The following HDAC8 variants were observed in gnomAD, a reference collection of about 807,000 sequenced individuals.
The protein encoded by HDAC8 is histone deacetylase 8.
HDAC8 carries 1 observed loss-of-function variant against 32.2 expected under a neutral mutation model. That is an observed-to-expected ratio of 0.03 (90% CI 0.01 to 0.15). The LOEUF is 0.15. Among genes scored for constraint, HDAC8 ranks in the 10% least tolerant of loss-of-function variants. HDAC8 has a pLI of 1.00. For missense variants in HDAC8, 117 were observed against 300.0 expected, an observed-to-expected ratio of 0.39 and a Z score of 4.51; for synonymous variants, 108 against 113.9, an observed-to-expected ratio of 0.95 and a Z score of 0.33.
At chrX:72,509,848 T>C (rs2049521330) in intron 4 of HDAC8, among the ~76,000 whole-genome samples, 1 of 111,526 alleles carries the variant, frequency 9.0e-6, no homozygotes, top group South Asian at 3.8e-4. Context: ...TTAGTCAATT[T>C]TCACAGTTTT....
chrX:72,528,194 T>A (rs1330661346), intron 4 of HDAC8, among the ~76,000 whole-genome samples: 1 of 111,501 alleles, frequency 9.0e-6, no homozygotes, highest in Non-Finnish European at 1.9e-5. Flanking sequence ...TTTGCTAGAC[T>A]AGGAGCTCCT....
rs1200952999 is a variant in HDAC8 at position 72,468,004 on chromosome X, A to C, written c.738-3273T>G. 5.0e-6 allele frequency: 6 copies of C among 1,189,754 alleles called. No individual in the cohort carries two copies. In the African/African-American group the frequency reaches 8.8e-5, roughly 18 times the overall value. ...ATGAGTCCTCAAGGAGTTCTGATAAAGAGGGCTCTGGATGGGTATTGAAAA... is the reference window on the plus strand; with the variant it reads ...ATGAGTCCTCAAGGAGTTCTGATAACGAGGGCTCTGGATGGGTATTGAAAA... On this transcript the variant is annotated intron_variant, in intron 7 of 10. Coordinates refer to ENST00000373573, the MANE Select transcript of HDAC8 (RefSeq NM_018486.3).
At chrX:72,379,490 GTTTTTTTTTTTT>G (rs1191306787) in intron 9 of HDAC8, among the ~76,000 whole-genome samples, 4 of 38,895 alleles carry the variant, frequency 1.0e-4, no homozygotes, top group East Asian at 8.9e-4. Context: ...TTTGTTTAGT[GTTTTTTTTTTTT>G]TTTTTTTTTT....
intron 4 of HDAC8, among the ~76,000 whole-genome samples, chrX:72,516,828 C>A (rs897582428): frequency 8.9e-6 from 1 of 112,222 alleles, no homozygotes; most frequent in Non-Finnish European, 1.9e-5. Context: ...AAATCCAAAG[C>A]CCCATGGTCC....
At chrX:72,489,255 G>T (rs1556007703) in intron 6 of HDAC8, 5 of 494,203 alleles carry the variant, frequency 1.0e-5, no homozygotes, top group Middle Eastern at 3.6e-4. Flanking sequence ...AAAAATAAGA[G>T]ATTAACTCCT....
chrX:72,520,612 C>T (rs2049953252), intron 4 of HDAC8, among the ~76,000 whole-genome samples: 1 of 112,197 alleles, frequency 8.9e-6, no homozygotes, highest in Non-Finnish European at 1.9e-5. Flanking sequence ...AAGAAAAAGA[C>T]TTCTACATTA....
At chrX:72,501,290 CA>C (rs2049208719) in intron 4 of HDAC8, among the ~76,000 whole-genome samples, 1 of 111,442 alleles carries the variant, frequency 9.0e-6, no homozygotes, top group Non-Finnish European at 1.9e-5. Context: ...CATATGGAAC[CA>C]AAAAAGAGCC....
chrX:72,409,103 T>A (rs1350424531), intron 9 of HDAC8, among the ~76,000 whole-genome samples: 3 of 112,322 alleles, frequency 2.7e-5, no homozygotes, highest in East Asian at 5.6e-4. Flanking sequence ...CTCAAATTGC[T>A]CTAACAGAAA....
At chrX:72,386,628 A>G (rs185062192) in intron 9 of HDAC8, among the ~76,000 whole-genome samples, 26 of 111,734 alleles carry the variant, frequency 2.3e-4, no homozygotes, top group Admixed American at 1.4e-3. Flanking sequence ...GGATCAATTC[A>G]TTAAATCCTA....
At chrX:72,543,066 A>T (rs2050756228) in intron 4 of HDAC8, among the ~76,000 whole-genome samples, 1 of 111,878 alleles carries the variant, frequency 8.9e-6, no homozygotes, top group Non-Finnish European at 1.9e-5. Flanking sequence ...ATTCAAACCC[A>T]GGCAGTGTGA....
At chrX:72,438,392 C>T (rs2047017355) in intron 9 of HDAC8, among the ~76,000 whole-genome samples, 1 of 111,821 alleles carries the variant, frequency 8.9e-6, no homozygotes. Context: ...TGAGGAAAAA[C>T]CAGTGTAAAA....
intron 7 of HDAC8, among the ~76,000 whole-genome samples, chrX:72,472,076 T>TTA (rs2048197100): frequency 9.3e-6 from 1 of 107,362 alleles, no homozygotes; most frequent in African/African-American, 3.3e-5. Flanking sequence ...TTATTTATTT[T>TTA]TTTTTTTTTG....
intron 9 of HDAC8, among the ~76,000 whole-genome samples, chrX:72,440,000 C>A (rs1373259633): frequency 1.8e-5 from 2 of 112,070 alleles, no homozygotes; most frequent in African/African-American, 6.5e-5. Flanking sequence ...GAGCTCTCCA[C>A]CACAAATCAA....
chrX:72,379,180 A>G (rs782274539), intron 9 of HDAC8, among the ~76,000 whole-genome samples: 5 of 111,259 alleles, frequency 4.5e-5, no homozygotes, highest in African/African-American at 1.6e-4. Flanking sequence ...TTTTTAATAT[A>G]ATTTCTATTT....
At chrX:72,341,210 G>C (rs2043879824) in intron 10 of HDAC8, among the ~76,000 whole-genome samples, 1 of 111,964 alleles carries the variant, frequency 8.9e-6, no homozygotes, top group Non-Finnish European at 1.9e-5. Flanking sequence ...TGGTCACCAG[G>C]CTGGAAGCCA....
chrX:72,516,626 G>A lies in HDAC8; in HGVS notation c.438-21358C>T, dbSNP rs781844340. Among the ~76,000 whole-genome samples the A allele has an allele frequency of 6.3e-5, 7 of 110,997 alleles. No homozygotes were observed. In the South Asian group the frequency reaches 2.7e-3, roughly 43 times the overall value. On this transcript the variant is annotated intron_variant, in intron 4 of 10. Transcript: ENST00000373573. ...CTGCTTTCAAAGCTAGGACAGCCAA[G>A]TGCTTTTGGAAAAAAACCCACAAAA... is the stretch of plus-strand genomic sequence containing the variant.
intron 9 of HDAC8, among the ~76,000 whole-genome samples, chrX:72,451,707 A>C (rs2047574509): frequency 8.8e-6 from 1 of 113,234 alleles, no homozygotes; most frequent in East Asian, 2.7e-4. Context: ...AGATAACTAA[A>C]GGACTTCGGC....
intron 9 of HDAC8, among the ~76,000 whole-genome samples, chrX:72,438,239 T>G (rs1444250059): frequency 8.9e-6 from 1 of 112,023 alleles, no homozygotes; most frequent in Non-Finnish European, 1.9e-5. Context: ...CCAGCACACC[T>G]GCAGCAGAGA....
intron 9 of HDAC8, among the ~76,000 whole-genome samples, chrX:72,459,508 G>A (rs2047811945): frequency 9.0e-6 from 1 of 110,736 alleles, no homozygotes; most frequent in African/African-American, 3.3e-5. Context: ...ACTGACCACT[G>A]CATTATCTTG....
Sources: allele counts gnomAD v4.1 joint callset (sites outside exome capture counted in the v4.1 genomes callset), GRCh38; gene constraint gnomAD v4.1.1; transcripts MANE v1.5; gene names NCBI Gene and HGNC (gene_info 2026-07-23, HGNC 2026-07-21).